Variants in DCDC1 observed in about 807,000 individuals in gnomAD.
The protein encoded by DCDC1 is doublecortin domain-containing protein 1.
Under a neutral mutation model 178.3 loss-of-function variants are expected in DCDC1, and 200 were observed. That is an observed-to-expected ratio of 1.12 (90% CI 1.00 to 1.26). The LOEUF is 1.26. Among genes scored for constraint, DCDC1 ranks in the 50% most tolerant of loss-of-function variants. DCDC1 has a pLI of 0.00. For synonymous variants in DCDC1, 690 were observed against 604.8 expected, an observed-to-expected ratio of 1.14 and a Z score of -2.07; for missense variants, 1,983 against 1,749.2, an observed-to-expected ratio of 1.13 and a Z score of -2.38.
At chr11:31,199,115 C>A (rs988738846) in intron 9 of DCDC1, among the ~76,000 whole-genome samples, 4 of 151,982 alleles carry the variant, frequency 2.6e-5, no homozygotes, top group Non-Finnish European at 2.9e-5. Context: ...ATCCCAAAAT[C>A]CAATTTTAAT....
intron 10 of DCDC1, among the ~76,000 whole-genome samples, chr11:31,136,017 T>C (rs1024582187): frequency 6.6e-6 from 1 of 152,072 alleles, no homozygotes; most frequent in African/African-American, 2.4e-5. Context: ...AAAAGGAAAA[T>C]AATCTGTCAT....
chr11:31,129,267 C>T (rs1183651343), intron 10 of DCDC1, among the ~76,000 whole-genome samples: 1 of 152,112 alleles, frequency 6.6e-6, no homozygotes, highest in Non-Finnish European at 1.5e-5. Context: ...AAGACCTTTA[C>T]AAGTGTTACA....
At chr11:31,181,186 C>G (rs1173807691) in intron 9 of DCDC1, among the ~76,000 whole-genome samples, 1 of 152,182 alleles carries the variant, frequency 6.6e-6, no homozygotes, top group Non-Finnish European at 1.5e-5. Flanking sequence ...CTGGGCAGGA[C>G]ATATCTGAAA....
intron 9 of DCDC1, among the ~76,000 whole-genome samples, chr11:31,147,135 T>C (rs1964533730): frequency 6.6e-6 from 1 of 152,202 alleles, no homozygotes; most frequent in Non-Finnish European, 1.5e-5. Context: ...GTTTGAGTTT[T>C]ATTCTCCCTT....
intron 20 of DCDC1, among the ~76,000 whole-genome samples, chr11:30,954,801 A>G (rs1316795762): frequency 6.6e-6 from 1 of 152,200 alleles, no homozygotes; most frequent in Non-Finnish European, 1.5e-5. Flanking sequence ...CCTTAGCCCC[A>G]TCAGATCCAT....
chr11:31,157,424 C>T (rs1407169671), intron 9 of DCDC1, among the ~76,000 whole-genome samples: 4 of 140,686 alleles, frequency 2.8e-5, no homozygotes, highest in African/African-American at 1.0e-4. Flanking sequence ...TATATACACA[C>T]ATATATATAC....
At chr11:31,099,244 A>G (rs1208592720) in intron 15 of DCDC1, among the ~76,000 whole-genome samples, 3 of 152,354 alleles carry the variant, frequency 2.0e-5, no homozygotes, top group African/African-American at 4.8e-5. Context: ...TAGATATTGC[A>G]TCAGAGACAG....
chr11:31,024,871 G>A (rs2135232753), intron 20 of DCDC1, among the ~76,000 whole-genome samples: 1 of 151,764 alleles, frequency 6.6e-6, no homozygotes, highest in South Asian at 2.1e-4. Flanking sequence ...GGTTTATTTA[G>A]CCCCCATGGT....
intron 12 of DCDC1, among the ~76,000 whole-genome samples, chr11:31,107,377 C>T (rs1469862626): frequency 1.3e-5 from 2 of 152,128 alleles, no homozygotes; most frequent in Non-Finnish European, 2.9e-5. Context: ...CTCCCTGTCC[C>T]CAGCAAATCT....
chr11:31,312,219 T>C (rs1235053287), intron 3 of DCDC1, among the ~76,000 whole-genome samples: 1 of 152,118 alleles, frequency 6.6e-6, no homozygotes, highest in Non-Finnish European at 1.5e-5. Context: ...ATATTGACAA[T>C]GATAGTAACA....
At chr11:31,164,924 G>C (rs986565077) in intron 9 of DCDC1, among the ~76,000 whole-genome samples, 8 of 152,150 alleles carry the variant, frequency 5.3e-5, no homozygotes, top group Non-Finnish European at 1.0e-4. Context: ...CTGTACAGCT[G>C]TGCCATTTTA....
intron 20 of DCDC1, among the ~76,000 whole-genome samples, chr11:30,987,764 CA>C (rs1431249417): frequency 6.6e-6 from 1 of 152,202 alleles, no homozygotes; most frequent in African/African-American, 2.4e-5. Context: ...TGACCCAACA[CA>C]AATTTGTAAA....
At chr11:31,032,214 T>C (rs2135282785) in intron 20 of DCDC1, among the ~76,000 whole-genome samples, 1 of 152,242 alleles carries the variant, frequency 6.6e-6, no homozygotes, top group African/African-American at 2.4e-5. Flanking sequence ...AGGATCTAAA[T>C]GAACTCCCAA....
At chr11:31,138,626 G>A (rs979008931) in intron 9 of DCDC1, among the ~76,000 whole-genome samples, 5 of 152,102 alleles carry the variant, frequency 3.3e-5, no homozygotes, top group South Asian at 2.1e-4. Context: ...GAGGATTGGA[G>A]TAAAAATGAA....
chr11:30,979,748 A>G (rs1025284952), intron 20 of DCDC1, among the ~76,000 whole-genome samples: 1 of 152,198 alleles, frequency 6.6e-6, no homozygotes, highest in Non-Finnish European at 1.5e-5. Flanking sequence ...AAATGCCCAG[A>G]AAGTGACCTA....
intron 6 of DCDC1, among the ~76,000 whole-genome samples, chr11:31,303,681 T>C (rs1240977942): frequency 1.3e-5 from 2 of 152,236 alleles, no homozygotes; most frequent in East Asian, 1.9e-4. Flanking sequence ...AAACCAAATA[T>C]CATTGTTTAA....
chr11:31,055,484 A>C (rs974849704), intron 20 of DCDC1, among the ~76,000 whole-genome samples: 2 of 152,240 alleles, frequency 1.3e-5, no homozygotes, highest in Non-Finnish European at 2.9e-5. Flanking sequence ...CATTTGATCC[A>C]GCAATCGCAC....
At chr11:31,100,010 C>T (rs1360408212) in intron 15 of DCDC1, among the ~76,000 whole-genome samples, 1 of 152,116 alleles carries the variant, frequency 6.6e-6, no homozygotes, top group Admixed American at 6.5e-5. Flanking sequence ...AGCCACTGCA[C>T]CCAGCTGATG....
At chr11:31,336,261 G>C (rs1354298743) in intron 1 of DCDC1, among the ~76,000 whole-genome samples, 2 of 152,172 alleles carry the variant, frequency 1.3e-5, no homozygotes, top group Non-Finnish European at 2.9e-5. Context: ...GCAAAGATAT[G>C]AAAGAGGCAA....
Sources: allele counts gnomAD v4.1 joint callset (sites outside exome capture counted in the v4.1 genomes callset), GRCh38; gene constraint gnomAD v4.1.1; transcripts MANE v1.5; gene names NCBI Gene and HGNC (gene_info 2026-07-23, HGNC 2026-07-21).